The following NOP9 variants were observed in gnomAD, a reference collection of about 807,000 sequenced individuals.
The protein encoded by NOP9 is nucleolar protein 9.
NOP9 carries 50 observed loss-of-function variants against 63.0 expected under a neutral mutation model. The ratio of observed to expected loss-of-function variants is 0.79; its 90% CI spans 0.63 to 1.00. NOP9 has a LOEUF of 1.00. Among genes scored for constraint, NOP9 ranks in the 50% least tolerant of loss-of-function variants. The pLI is 0.00. For missense variants in NOP9, 758 were observed against 803.0 expected (o/e 0.94, Z 0.68); for synonymous variants, 343 against 332.8 (o/e 1.03, Z -0.33).
chr14:24,296,711 G>C, upstream of NOP9: 1 of 1,614,158 alleles, frequency 6.2e-7, no homozygotes, highest in Non-Finnish European at 8.5e-7. Flanking sequence ...CAGAAATGTG[G>C]AGTTGGGAAC....
rs990731294 is a variant in NOP9 at position 24,300,554 on chromosome 14, A to C, written c.394A>C (p.Asn132His). 6.8e-6 allele frequency: 11 copies of C among 1,614,054 alleles called. No homozygotes were observed. Among genetic ancestry groups the C allele is most frequent in the Non-Finnish European group, 9.3e-6 (11 of 1,180,034 alleles). ...LCRVWAALRS[N>H]LRTVACHRCG... is the part of the protein sequence containing the mutation. ...TCGCGTGTGGGCTGCTCTGCGCTCT[A>C]ACTTGCGCACTGTGGCCTGTCACCG... Residue 132 changes from asparagine to histidine, a missense_variant, in exon 2 of 10, where the codon AAC becomes CAC. Transcript: ENST00000267425.
At chr14:24,299,848 G>A (rs1313168511), upstream of NOP9, 3 of 1,371,112 alleles carry the variant, frequency 2.2e-6, no homozygotes, top group South Asian at 1.6e-5. Context: ...CGTCAGGAGC[G>A]CGCCCGCGTT....
the NOP9 span, chr14:24,291,821 C>T: frequency 1.6e-6 from 1 of 634,756 alleles, no homozygotes; most frequent in South Asian, 1.9e-5. Flanking sequence ...AGCCCTGTGC[C>T]CTGGCACCAG....
the NOP9 span, among the ~76,000 whole-genome samples, chr14:24,275,687 C>T: frequency 6.6e-6 from 1 of 152,204 alleles, no homozygotes; most frequent in Non-Finnish European, 1.5e-5. Context: ...TGGGCCAGGG[C>T]CCTGGGTCAA....
the NOP9 span, among the ~76,000 whole-genome samples, chr14:24,278,636 G>A: frequency 6.6e-6 from 1 of 152,194 alleles, no homozygotes; most frequent in African/African-American, 2.4e-5. Flanking sequence ...GTGAGGGGTG[G>A]AATAACGATA....
chr14:24,305,603 A>G lies in NOP9; in HGVS notation c.*508A>G. ...TAGTCTTTGCAGTGGGTCGGTTGGA[A>G]TGATTCTGGGGGCAGAAGCTCAGAG... On this transcript the variant is annotated 3_prime_UTR_variant, in exon 10 of 10. Coordinates refer to ENST00000267425, the MANE Select transcript of NOP9 (RefSeq NM_174913.3). 1 of 1,600,378 alleles carries G rather than the reference A, an allele frequency of 6.2e-7. No homozygotes were observed. Among genetic ancestry groups the G allele is most frequent in the Non-Finnish European group, 8.5e-7 (1 of 1,173,700 alleles).
At chr14:24,284,314 C>G in the NOP9 span, among the ~76,000 whole-genome samples, 2 of 152,180 alleles carry the variant, frequency 1.3e-5, no homozygotes, top group Non-Finnish European at 2.9e-5. Context: ...AGAGCTGGAC[C>G]TTTGTCTCAT....
rs1252803516 is a variant in NOP9, at chr14:24,308,475, T to C, written c.*3380T>C. 2 of 153,582 alleles carry C rather than the reference T, an allele frequency of 1.3e-5. No individual in the cohort carries two copies. The highest frequency in any genetic ancestry group is 4.8e-5 in the African/African-American group (2 of 41,430). The allele number at this position is 153,582 out of a possible 1,614,324, so 9.5% of individuals were successfully genotyped here. A position where few individuals can be genotyped will look rare whatever the true frequency, so the allele number is the denominator to read the frequency against. The stretch of plus-strand genomic sequence containing the variant: ...CTGTCTGGGACACTGGCCTTCCTGC[T>C]TACCTGCTCTTTCCTTCCTCCTTGG... On this transcript the variant is annotated 3_prime_UTR_variant, in exon 10 of 10. Transcript: ENST00000267425.
At position 24,303,168 on chromosome 14, in the gene NOP9, G is replaced by T. The variant is rs771997987; in HGVS notation, c.1238G>T (p.Arg413Leu). Residue 413 changes from arginine (R) to leucine (L), a missense_variant, in exon 6 of 10, where the codon CGC (arginine) becomes CTC (leucine). Transcript: ENST00000267425. ...GTCATTGCCCTGGTGGGGGCCTGTC[G>T]CAGAGTTGGGGCCTACCAAGCCAAG... is the stretch of plus-strand genomic sequence containing the variant. ...GVVIALVGAC[R>L]RVGAYQAKVL... is the part of the protein sequence containing the mutation. 1.9e-6 allele frequency: 3 copies of T among 1,613,856 alleles called. No homozygotes were observed. Among genetic ancestry groups the T allele is most frequent in the Non-Finnish European group, 2.5e-6 (3 of 1,179,950 alleles).
chr14:24,307,340 C>T lies in NOP9; in HGVS notation c.*2245C>T, dbSNP rs576468649. The stretch of plus-strand genomic sequence containing the variant: ...TTGTGGAGCCCCTTGGCTACCCCTG[C>T]TATAGGAACCGAGGAACTTGGCCTA... On this transcript the variant is annotated 3_prime_UTR_variant, in exon 10 of 10. Transcript: ENST00000267425. 5 of 1,598,826 alleles carry T rather than the reference C, an allele frequency of 3.1e-6. No individual in the cohort carries two copies. The South Asian group carries it at 5.6e-5, about 18-fold the overall frequency.
At chr14:24,275,866 A>C in the NOP9 span, among the ~76,000 whole-genome samples, 1 of 152,250 alleles carries the variant, frequency 6.6e-6, no homozygotes, top group Non-Finnish European at 1.5e-5. Context: ...GGGATCCAGT[A>C]GTGGACCAGA....
At chr14:24,281,011 A>G in the NOP9 span, among the ~76,000 whole-genome samples, 1 of 152,158 alleles carries the variant, frequency 6.6e-6, no homozygotes, top group African/African-American at 2.4e-5. Context: ...AATGCCTGGA[A>G]CTGCTGACAG....
chr14:24,306,779 T>G lies in NOP9; in HGVS notation c.*1684T>G. The G allele has an allele frequency of 1.9e-6, 1 of 513,226 alleles. No individual in the cohort carries two copies. The highest frequency in any genetic ancestry group is 3.5e-6 in the Non-Finnish European group (1 of 284,036). 31.8% of individuals were successfully genotyped at this position (513,226 alleles called of 1,614,324 possible). A position where few individuals can be genotyped will look rare whatever the true frequency, so the allele number is the denominator to read the frequency against. ...CCCTTGCTCCCCTCCAAGTCACTTC[T>G]GGTTTGGAATTGGAAAGCAAGCCAG... On this transcript the variant is annotated 3_prime_UTR_variant, in exon 10 of 10. Transcript: ENST00000267425.
chr14:24,299,215 C>G, upstream of NOP9: 1 of 1,322,900 alleles, frequency 7.6e-7, no homozygotes, highest in Non-Finnish European at 1.0e-6. Flanking sequence ...GAGAACCTCA[C>G]TAGGGCTAAG....
chr14:24,288,507 G>C, the NOP9 span, among the ~76,000 whole-genome samples: 1 of 152,078 alleles, frequency 6.6e-6, no homozygotes, highest in Non-Finnish European at 1.5e-5. Flanking sequence ...GCTCCACCAT[G>C]CCTGGCTAGT....
At chr14:24,290,956 A>G in the NOP9 span, 1 of 1,614,118 alleles carries the variant, frequency 6.2e-7, no homozygotes, top group African/African-American at 1.3e-5. Flanking sequence ...CACGTGTGAG[A>G]GAACAGAGCT....
chr14:24,279,345 C>T, the NOP9 span, among the ~76,000 whole-genome samples: 34 of 152,366 alleles, frequency 2.2e-4, no homozygotes, highest in Non-Finnish European at 3.8e-4. Context: ...CTTCTCCCTG[C>T]TCCCCAGTTC....
upstream of NOP9, chr14:24,299,743 G>A: frequency 2.1e-6 from 1 of 475,622 alleles, no homozygotes; most frequent in East Asian, 3.1e-5. Context: ...AGAGTCCCAG[G>A]CCAAAGTTAG....
the NOP9 span, chr14:24,291,632 C>G: frequency 3.1e-6 from 5 of 1,613,948 alleles, no homozygotes; most frequent in Non-Finnish European, 4.2e-6. Context: ...TGAACTGAAA[C>G]ACAGGGGCAG....
Sources: allele counts gnomAD v4.1 joint callset (sites outside exome capture counted in the v4.1 genomes callset), GRCh38; gene constraint gnomAD v4.1.1; transcripts MANE v1.5; gene names NCBI Gene and HGNC (gene_info 2026-07-23, HGNC 2026-07-21).